KIAA1217: variants seen among roughly 807,000 people sequenced by gnomAD.
KIAA1217 encodes KIAA1217, also known as sickle tail protein homolog.
Under a neutral mutation model 163.9 loss-of-function variants are expected in KIAA1217, and 88 were observed. That is an observed-to-expected ratio of 0.54 (90% CI 0.45 to 0.64). The LOEUF (loss-of-function observed/expected upper bound fraction) is 0.64. Among genes scored for constraint, KIAA1217 ranks in the 30% least tolerant of loss-of-function variants. KIAA1217 has a pLI of 0.00. For missense variants in KIAA1217, 2,372 were observed against 2,475.0 expected (o/e 0.96, Z 0.88); for synonymous variants, 903 against 923.1 (o/e 0.98, Z 0.39).
chr10:24,262,758 A>G (rs2075849574), intron 2 of KIAA1217, among the ~76,000 whole-genome samples: 3 of 152,268 alleles, frequency 2.0e-5, no homozygotes, highest in Admixed American at 2.0e-4. Flanking sequence ...CCACCTGGCC[A>G]ACATGGCGAA....
intron 1 of KIAA1217, among the ~76,000 whole-genome samples, chr10:23,712,107 T>A (rs528304714): frequency 3.3e-5 from 5 of 152,078 alleles, no homozygotes; most frequent in Admixed American, 6.5e-5. Context: ...AGAAATGTAG[T>A]TTCTAGGCTT....
At chr10:24,261,172 A>C (rs900690251) in intron 2 of KIAA1217, among the ~76,000 whole-genome samples, 1 of 151,482 alleles carries the variant, frequency 6.6e-6, no homozygotes, top group African/African-American at 2.4e-5. Flanking sequence ...GGTTGTGTGG[A>C]ATTTGGCCCC....
At chr10:23,763,807 G>C (rs1438517939) in intron 1 of KIAA1217, among the ~76,000 whole-genome samples, 1 of 151,960 alleles carries the variant, frequency 6.6e-6, no homozygotes, top group Non-Finnish European at 1.5e-5. Flanking sequence ...TGCTGTAAAG[G>C]AATACCTGAG....
intron 2 of KIAA1217, among the ~76,000 whole-genome samples, chr10:24,188,648 A>G (rs775741844): frequency 6.6e-6 from 1 of 151,136 alleles, no homozygotes; most frequent in Non-Finnish European, 1.5e-5. Flanking sequence ...TAGGGAAAGA[A>G]AGATGGAGGT....
chr10:24,071,343 G>A lies in KIAA1217; in HGVS notation c.-171+63969G>A, dbSNP rs192498092. Among the ~76,000 whole-genome samples the A allele has an allele frequency of 5.4e-3, 826 of 152,126 alleles. 6 individuals are homozygous for A. The highest frequency in any genetic ancestry group is 0.013 in the South Asian group (61 of 4,814). ...CTTAGTGGGTCATTTATATATTTACGACTTTATCCAGCTGAAGTTAATGCA... is the reference window on the plus strand; with the variant it reads ...CTTAGTGGGTCATTTATATATTTACAACTTTATCCAGCTGAAGTTAATGCA... On this transcript the variant is annotated intron_variant, in intron 2 of 18. Transcript: ENST00000376462.
intron 3 of KIAA1217, among the ~76,000 whole-genome samples, chr10:24,382,839 C>CTTTTTTTTTTTTTTTT (rs1251130955): frequency 1.8e-5 from 2 of 112,328 alleles, no homozygotes; most frequent in Non-Finnish European, 2.0e-5. Flanking sequence ...TGTGGTTTTT[C>CTTTTTTTTTTTTTTTT]TTTTCTTTTT....
intron 1 of KIAA1217, among the ~76,000 whole-genome samples, chr10:23,999,377 C>T (rs1477738786): frequency 6.6e-6 from 1 of 152,166 alleles, no homozygotes; most frequent in Non-Finnish European, 1.5e-5. Flanking sequence ...CAAGTAGGCA[C>T]TGACAATTAA....
chr10:23,754,674 C>T lies in KIAA1217; in HGVS notation c.-321+59440C>T, dbSNP rs866758224. Among the ~76,000 whole-genome samples the T allele has an allele frequency of 6.6e-5, 10 of 152,062 alleles. No individual in the cohort carries two copies. In the East Asian group the frequency reaches 7.7e-4, roughly 12 times the overall value. ...TCCTGCATCTCGAGGATAAAGTGTC[C>T]GCCTCCTGCTTCTGCTGTCCACCTT... On this transcript the variant is annotated intron_variant, in intron 1 of 18. Coordinates refer to the KIAA1217 transcript ENST00000376462.
chr10:24,145,371 T>C (rs1053648451), intron 2 of KIAA1217, among the ~76,000 whole-genome samples: 1 of 152,226 alleles, frequency 6.6e-6, no homozygotes, highest in African/African-American at 2.4e-5. Context: ...GTCAGAAGCT[T>C]AAATGATAAC....
intron 1 of KIAA1217, among the ~76,000 whole-genome samples, chr10:23,920,841 G>C (rs1842823862): frequency 6.6e-6 from 1 of 152,144 alleles, no homozygotes; most frequent in Non-Finnish European, 1.5e-5. Flanking sequence ...TCATGGAAGG[G>C]ACACAGTGAG....
intron 2 of KIAA1217, among the ~76,000 whole-genome samples, chr10:24,066,412 G>C (rs1206077021): frequency 6.6e-6 from 1 of 152,126 alleles, no homozygotes; most frequent in Non-Finnish European, 1.5e-5. Context: ...AGCTTAGTTT[G>C]GCTGGATATG....
At chr10:23,817,007 A>G (rs1286622397) in intron 1 of KIAA1217, among the ~76,000 whole-genome samples, 2 of 152,226 alleles carry the variant, frequency 1.3e-5, no homozygotes, top group Non-Finnish European at 2.9e-5. Flanking sequence ...AGCAGTGCAG[A>G]ATATGTATTG....
intron 1 of KIAA1217, among the ~76,000 whole-genome samples, chr10:23,885,410 AT>A (rs1841128166): frequency 6.6e-6 from 1 of 151,918 alleles, no homozygotes. Context: ...TTTGACCAAC[AT>A]GTCCCCATTA....
chr10:24,212,665 T>C (rs1432040831), intron 1 of KIAA1217, among the ~76,000 whole-genome samples: 1 of 152,186 alleles, frequency 6.6e-6, no homozygotes, highest in African/African-American at 2.4e-5. Flanking sequence ...TGAGCACGAG[T>C]GCCGCAAGGG....
intron 9 of KIAA1217, among the ~76,000 whole-genome samples, chr10:24,512,086 T>C (rs1229029702): frequency 6.6e-6 from 1 of 152,200 alleles, no homozygotes. Context: ...GCAGTGCTGA[T>C]GTTGGGACCT....
intron 2 of KIAA1217, among the ~76,000 whole-genome samples, chr10:24,234,691 C>CA (rs979876825): frequency 2.2e-5 from 3 of 138,934 alleles, no homozygotes; most frequent in Admixed American, 2.1e-4. Context: ...AAACTACATA[C>CA]AAAAAACTTG....
At chr10:23,731,360 G>A (rs978860491) in intron 1 of KIAA1217, among the ~76,000 whole-genome samples, 2 of 152,202 alleles carry the variant, frequency 1.3e-5, no homozygotes, top group South Asian at 2.1e-4. Flanking sequence ...AGTGGTGTTA[G>A]CATAATCTGA....
At chr10:23,720,507 A>G (rs2130761620) in intron 1 of KIAA1217, among the ~76,000 whole-genome samples, 1 of 152,246 alleles carries the variant, frequency 6.6e-6, no homozygotes, top group East Asian at 1.9e-4. Context: ...GCTGAGCTGA[A>G]TAGACTGATA....
chr10:24,519,895 A>G (rs2274829), intron 10 of KIAA1217, among the ~76,000 whole-genome samples: 87,418 of 151,896 alleles, frequency 0.58, 27,109 homozygotes, highest in African/African-American at 0.82. Flanking sequence ...TGGCCAATGT[A>G]GAACATTCCC....
Sources: allele counts gnomAD v4.1 joint callset (sites outside exome capture counted in the v4.1 genomes callset), GRCh38; gene constraint gnomAD v4.1.1; transcripts MANE v1.5; gene names NCBI Gene and HGNC (gene_info 2026-07-23, HGNC 2026-07-21).